DBT: variants seen among roughly 807,000 people sequenced by gnomAD.
DBT encodes lipoamide acyltransferase component of branched-chain alpha-keto acid dehydrogenase complex, mitochondrial.
In DBT, 40 loss-of-function variants were observed where a neutral mutation model predicts 51.3. The observed-to-expected ratio is 0.78, with a 90% CI of 0.61 to 1.02. The LOEUF (loss-of-function observed/expected upper bound fraction) is 1.02, where lower values mean the gene tolerates loss of function less well. DBT is among the 50% of genes least tolerant of loss of function. The probability of loss-of-function intolerance (pLI) is 0.00; values close to 1 mark genes in which losing one functional copy is unlikely to be tolerated. For missense variants in DBT, 510 were observed against 580.2 expected, an observed-to-expected ratio of 0.88 and a Z score of 1.24; for synonymous variants, 181 against 190.4, an observed-to-expected ratio of 0.95 and a Z score of 0.41.
At chr1:100,208,510 G>A (rs150169107) in intron 8 of DBT, among the ~76,000 whole-genome samples, 414 of 152,270 alleles carry the variant, frequency 2.7e-3, no homozygotes, top group African/African-American at 9.5e-3. Flanking sequence ...ATAAGTTTGA[G>A]AAACTGCAAA....
chr1:100,216,280 T>C, intron 5 of DBT, 81 bp from the exon 6 acceptor site: 1 of 958,522 alleles, frequency 1.0e-6, no homozygotes, highest in African/African-American at 1.6e-5. Context: ...TTTGATCAAC[T>C]GACAGTAAAA....
chr1:100,223,972 A>G (rs1663019540), intron 4 of DBT, among the ~76,000 whole-genome samples: 1 of 152,076 alleles, frequency 6.6e-6, no homozygotes, highest in Non-Finnish European at 1.5e-5. Context: ...TGTTACAGTC[A>G]AAGGACTCAT....
At chr1:100,239,588 G>A (rs1032282008) in intron 2 of DBT, among the ~76,000 whole-genome samples, 9 of 151,872 alleles carry the variant, frequency 5.9e-5, no homozygotes, top group Non-Finnish European at 1.3e-4. Context: ...AAAAGGCATG[G>A]AAGGCCGGTG....
rs1660654541 is a variant in DBT at position 100,188,154 on chromosome 1, G to A, written c.*8101C>T. 1 of 152,192 alleles carries A rather than the reference G, an allele frequency of 6.6e-6. No individual in the cohort carries two copies. The highest frequency in any genetic ancestry group is 2.4e-5 in the African/African-American group (1 of 41,452). The allele number at this position is 152,192 out of a possible 1,614,324, so 9.4% of individuals were successfully genotyped here. ...TCTTGTGCAATTTGTGAAACCTTTGGTTTGCAGAGTTGTTAGCGTAGTGGC... is the reference window on the plus strand; with the variant it reads ...TCTTGTGCAATTTGTGAAACCTTTGATTTGCAGAGTTGTTAGCGTAGTGGC... On this transcript the variant is annotated 3_prime_UTR_variant, in exon 11 of 11. Coordinates refer to ENST00000370132, the MANE Select transcript of DBT (RefSeq NM_001918.5).
At chr1:100,233,650 C>T (rs1040507317) in intron 3 of DBT, among the ~76,000 whole-genome samples, 8 of 152,152 alleles carry the variant, frequency 5.3e-5, no homozygotes, top group African/African-American at 1.4e-4. Context: ...GTACACTCAC[C>T]AGCAGTTTTG....
chr1:100,244,807 GT>G (rs1664447336), intron 1 of DBT, among the ~76,000 whole-genome samples: 2 of 152,076 alleles, frequency 1.3e-5, no homozygotes, highest in Non-Finnish European at 2.9e-5. Flanking sequence ...ATATCTTACT[GT>G]ACTGTGCTCA....
intron 7 of DBT, chr1:100,213,743 T>C: frequency 8.4e-6 from 13 of 1,545,418 alleles, no homozygotes; most frequent in Non-Finnish European, 8.7e-6. Context: ...TCAATAGTTT[T>C]ATTTGATTAA....
chr1:100,235,261 C>T (rs1663799604), intron 3 of DBT, among the ~76,000 whole-genome samples, 175 bp downstream of exon 3: 1 of 152,120 alleles, frequency 6.6e-6, no homozygotes, highest in Non-Finnish European at 1.5e-5. Context: ...ACCACTATAT[C>T]ATCAACACAA....
At chr1:100,246,731 G>C (rs1025389462) in intron 1 of DBT, among the ~76,000 whole-genome samples, 6 of 152,182 alleles carry the variant, frequency 3.9e-5, no homozygotes, top group Admixed American at 3.3e-4. Flanking sequence ...GGATTATACA[G>C]AGAACAAAAC....
chr1:100,224,900 T>A (rs1192565770), intron 4 of DBT, among the ~76,000 whole-genome samples: 3 of 150,254 alleles, frequency 2.0e-5, no homozygotes, highest in South Asian at 2.1e-4. Flanking sequence ...CTGCCTGTAA[T>A]CCCAGCTACT....
chr1:100,213,507 T>C, intron 7 of DBT: 1 of 1,539,576 alleles, frequency 6.5e-7, no homozygotes, highest in Non-Finnish European at 9.0e-7. Context: ...ACCAACTCTA[T>C]CGTGGTCGTG....
At chr1:100,203,292 C>T (rs555512505) in intron 10 of DBT, among the ~76,000 whole-genome samples, 1 of 152,294 alleles carries the variant, frequency 6.6e-6, no homozygotes, top group South Asian at 2.1e-4. Context: ...CACAGAAATA[C>T]AAACTACCAT....
chr1:100,197,469 C>T (rs1326748076), intron 10 of DBT, among the ~76,000 whole-genome samples: 1 of 152,152 alleles, frequency 6.6e-6, no homozygotes, highest in Non-Finnish European at 1.5e-5. Context: ...TTCAAGATGC[C>T]TTTATACATC....
rs2100761408 is a variant in DBT, at chr1:100,196,430, TGAAAAAAA to T, written c.1282-16_1282-9del. 2.3e-4 allele frequency: 116 copies of T among 504,148 alleles called. No homozygotes were observed. The highest frequency in any genetic ancestry group is 4.2e-4 in the East Asian group (7 of 16,850). 31.2% of individuals were successfully genotyped at this position (504,148 alleles called of 1,614,324 possible). ...GTTAAATCGGGGAATGGCCTAGAAATGAAAAAAAAAAAAAAAAAAAAAAAAAAAAGAAC... is the reference window on the plus strand; with the variant it reads ...GTTAAATCGGGGAATGGCCTAGAAATAAAAAAAAAAAAAAAAAAAAAGAAC... On this transcript the variant is annotated splice_polypyrimidine_tract_variant and intron_variant, in intron 10 of 10. Transcript: ENST00000370132.
intron 7 of DBT, chr1:100,213,799 C>T (rs1557947734): frequency 5.6e-6 from 8 of 1,430,976 alleles, no homozygotes; most frequent in East Asian, 5.2e-5. Flanking sequence ...ATGTGGCACA[C>T]GCCAGCTGCG....
intron 4 of DBT, among the ~76,000 whole-genome samples, chr1:100,219,317 A>G (rs866240460): frequency 6.6e-6 from 1 of 151,992 alleles, no homozygotes; most frequent in Non-Finnish European, 1.5e-5. Context: ...GCATCACTGC[A>G]CTCCAGCCTG....
intron 4 of DBT, among the ~76,000 whole-genome samples, chr1:100,219,143 G>C (rs1446306531): frequency 2.0e-5 from 3 of 152,112 alleles, no homozygotes; most frequent in African/African-American, 7.2e-5. Flanking sequence ...CCTGAGCCCA[G>C]GCATTCAAGA....
chr1:100,197,304 A>G (rs914803567), intron 10 of DBT, among the ~76,000 whole-genome samples: 2 of 152,208 alleles, frequency 1.3e-5, no homozygotes, highest in African/African-American at 4.8e-5. Context: ...GGCCACTGCA[A>G]CTACTTGTCT....
At chr1:100,235,642 C>G (rs987917994) in intron 2 of DBT, 131 bp from the exon 3 acceptor site, 19 of 578,586 alleles carry the variant, frequency 3.3e-5, no homozygotes, top group Non-Finnish European at 5.1e-5. Flanking sequence ...AGAAAAACAG[C>G]ATTTTATAAT....
Sources: allele counts gnomAD v4.1 joint callset (sites outside exome capture counted in the v4.1 genomes callset), GRCh38; gene constraint gnomAD v4.1.1; transcripts MANE v1.5; gene names NCBI Gene and HGNC (gene_info 2026-07-23, HGNC 2026-07-21).